CADM2: variants seen among roughly 807,000 people sequenced by gnomAD.
The protein encoded by CADM2 is cell adhesion molecule 2.
CADM2 carries 12 observed loss-of-function variants against 49.8 expected under a neutral mutation model. The ratio of observed to expected loss-of-function variants is 0.24; its 90% CI spans 0.15 to 0.39. CADM2 has a LOEUF of 0.39. CADM2 is among the 10% of genes least tolerant of loss of function. The pLI, the probability that CADM2 is intolerant of heterozygous loss-of-function variation, is 1.00. For synonymous variants in CADM2, 214 were observed against 175.4 expected, an observed-to-expected ratio of 1.22 and a Z score of -1.74; for missense variants, 378 against 492.3, an observed-to-expected ratio of 0.77 and a Z score of 2.20.
chr3:85,070,983 TG>T (rs1202466213), intron 1 of CADM2, among the ~76,000 whole-genome samples: 5 of 145,900 alleles, frequency 3.4e-5, no homozygotes, highest in African/African-American at 1.3e-4. Flanking sequence ...AGCGAAACTC[TG>T]TCTCAATAAA....
At chr3:85,212,812 C>CTCTTTCTTTCTT (rs61255712) in intron 1 of CADM2, among the ~76,000 whole-genome samples, 2,655 of 102,530 alleles carry the variant, frequency 0.026, 110 homozygotes, top group East Asian at 0.039. Context: ...TCTTTTTCTT[C>CTCTTTCTTTCTT]TCTTTCTTTC....
chr3:85,547,737 A>T (rs901272101), intron 1 of CADM2, among the ~76,000 whole-genome samples: 6 of 152,194 alleles, frequency 3.9e-5, no homozygotes, highest in South Asian at 2.1e-4. Flanking sequence ...TCAACATGTG[A>T]TGCATTATTT....
At chr3:85,384,346 T>G (rs2034086753) in intron 1 of CADM2, among the ~76,000 whole-genome samples, 1 of 152,174 alleles carries the variant, frequency 6.6e-6, no homozygotes, top group Non-Finnish European at 1.5e-5. Flanking sequence ...GATGGAGTTT[T>G]GTTCTTGTTG....
In CADM2 at chr3:85,883,480, C is replaced by A. The variant is rs201874559; in HGVS notation, c.391+37C>A. Reference sequence around the variant, plus strand: ...GGACTAACACCATGTAATCACAAAACCAGAATGATATATATTGCTACAGCA... The same window carrying A: ...GGACTAACACCATGTAATCACAAAAACAGAATGATATATATTGCTACAGCA... On this transcript the variant is annotated intron_variant, in intron 4 of 9. Transcript: ENST00000383699. The A allele has an allele frequency of 8.2e-5, 128 of 1,551,592 alleles. 1 individual carries two copies. In the African/African-American group the frequency reaches 1.5e-3, roughly 18 times the overall value.
In CADM2 at chr3:85,922,299, A is replaced by C. The variant is rs370166543; in HGVS notation, c.700+9756A>C. On this transcript the variant is annotated intron_variant, in intron 6 of 9. Transcript: ENST00000383699. ...TTGTTGTAATTTTTATCACATTTAT[A>C]ATTAAAATGTGATTAATCAGTATAT... 4.1e-5 allele frequency among the ~76,000 whole-genome samples: 6 copies of C among 147,154 alleles called. No homozygotes were observed. In the East Asian group the frequency reaches 1.2e-3, roughly 30 times the overall value.
intron 2 of CADM2, among the ~76,000 whole-genome samples, chr3:85,770,934 T>C (rs1650091303): frequency 6.6e-6 from 1 of 152,186 alleles, no homozygotes; most frequent in Non-Finnish European, 1.5e-5. Flanking sequence ...AGCAATGTAA[T>C]AAATTAGTGT....
chr3:85,535,732 CACTG>C (rs1475573192), intron 1 of CADM2, among the ~76,000 whole-genome samples: 4 of 152,028 alleles, frequency 2.6e-5, no homozygotes, highest in African/African-American at 9.7e-5. Context: ...TCCTTCTGTC[CACTG>C]ACTCTCAGCT....
At chr3:85,692,599 T>A (rs993467270) in intron 1 of CADM2, among the ~76,000 whole-genome samples, 7 of 152,212 alleles carry the variant, frequency 4.6e-5, no homozygotes, top group African/African-American at 1.7e-4. Context: ...TTCGTTTACC[T>A]TACTGAATTT....
At chr3:85,585,097 A>G (rs1033796486) in intron 1 of CADM2, among the ~76,000 whole-genome samples, 8 of 151,996 alleles carry the variant, frequency 5.3e-5, no homozygotes, top group Non-Finnish European at 8.8e-5. Flanking sequence ...TGAGCAGCGT[A>G]ATGGAATCTC....
At position 85,647,078 on chromosome 3, in the gene CADM2, G is replaced by A. The variant is rs183684770; in HGVS notation, c.62-79444G>A. 4.0e-5 allele frequency among the ~76,000 whole-genome samples: 6 copies of A among 151,844 alleles called. No homozygotes were observed. In the South Asian group the frequency reaches 6.2e-4, roughly 16 times the overall value. On this transcript the variant is annotated intron_variant, in intron 1 of 9. Transcript: ENST00000383699. ...TAACAATTTAAGCTTTGGTCTCATC[G>A]TCTATAATGTGAGAGGAATTTAATT...
chr3:85,161,835 TG>T (rs1288963097), intron 1 of CADM2, among the ~76,000 whole-genome samples: 1 of 152,008 alleles, frequency 6.6e-6, no homozygotes, highest in Non-Finnish European at 1.5e-5. Context: ...CTGGCCAACA[TG>T]GTGAAACCCA....
chr3:85,965,773 A>G (rs1725398092), intron 8 of CADM2, among the ~76,000 whole-genome samples: 1 of 151,584 alleles, frequency 6.6e-6, no homozygotes, highest in Non-Finnish European at 1.5e-5. Flanking sequence ...ACTATAGAGA[A>G]CATAACAGAT....
chr3:86,014,188 T>C (rs1731913489), intron 8 of CADM2: 1 of 1,294,650 alleles, frequency 7.7e-7, no homozygotes, highest in African/African-American at 1.5e-5. Context: ...TCAGATGGTA[T>C]AAATAGTGAC....
chr3:84,963,885 AGT>A (rs76013087), intron 1 of CADM2, among the ~76,000 whole-genome samples: 4,835 of 152,334 alleles, frequency 0.032, 168 homozygotes, highest in Admixed American at 0.087. Flanking sequence ...CTTGAAATAC[AGT>A]TTTCTCACTC....
chr3:86,035,618 T>C (rs1735068191), intron 8 of CADM2, among the ~76,000 whole-genome samples: 1 of 152,100 alleles, frequency 6.6e-6, no homozygotes, highest in Admixed American at 6.6e-5. Context: ...CATTAAGGTT[T>C]CTCTCAAATT....
intron 1 of CADM2, among the ~76,000 whole-genome samples, chr3:85,707,740 T>C (rs1244510952): frequency 1.3e-5 from 2 of 152,184 alleles, no homozygotes; most frequent in African/African-American, 2.4e-5. Flanking sequence ...TAAAAATATA[T>C]ATCAGTATGA....
intron 8 of CADM2, among the ~76,000 whole-genome samples, chr3:85,973,719 A>C (rs1450197867): frequency 6.6e-6 from 1 of 151,774 alleles, no homozygotes. Flanking sequence ...TGTGTTTTCT[A>C]CTGAGGGACA....
At chr3:85,232,869 T>C (rs1028526386) in intron 1 of CADM2, among the ~76,000 whole-genome samples, 1 of 152,314 alleles carries the variant, frequency 6.6e-6, no homozygotes, top group East Asian at 1.9e-4. Flanking sequence ...GTTTAGTATA[T>C]AATTGGATGA....
chr3:85,605,331 A>G (rs1349209901), intron 1 of CADM2, among the ~76,000 whole-genome samples: 1 of 152,078 alleles, frequency 6.6e-6, no homozygotes, highest in African/African-American at 2.4e-5. Flanking sequence ...GACTTAATCC[A>G]TGGAACAAAT....
Sources: gnomAD v4.1 joint callset for allele counts (sites outside exome capture counted in the v4.1 genomes callset) on GRCh38, gnomAD v4.1.1 for gene constraint, MANE v1.5 for transcripts, NCBI Gene and HGNC (gene_info 2026-07-23, HGNC 2026-07-21) for gene names.